KCNH8: variants seen among roughly 807,000 people sequenced by gnomAD.
The protein encoded by KCNH8 is potassium voltage-gated channel subfamily H member 8.
KCNH8 carries 70 observed loss-of-function variants against 103.6 expected under a neutral mutation model. That is an observed-to-expected ratio of 0.68 (90% confidence interval 0.56 to 0.82). KCNH8 has a LOEUF of 0.82. KCNH8 is among the 40% of genes least tolerant of loss of function. KCNH8 has a pLI of 0.00. For missense variants in KCNH8, 1,217 were observed against 1,329.9 expected, an observed-to-expected ratio of 0.92 and a Z score of 1.32; for synonymous variants, 498 against 489.4, an observed-to-expected ratio of 1.02 and a Z score of -0.23.
chr3:19,329,838 A>T (rs1429181445), intron 3 of KCNH8, among the ~76,000 whole-genome samples: 1 of 152,092 alleles, frequency 6.6e-6, no homozygotes, highest in Non-Finnish European at 1.5e-5. Flanking sequence ...TATGGAATAC[A>T]CAAGTGGCTC....
chr3:19,230,459 G>T (rs1559433020), intron 1 of KCNH8, among the ~76,000 whole-genome samples: 1 of 152,056 alleles, frequency 6.6e-6, no homozygotes, highest in Non-Finnish European at 1.5e-5. Flanking sequence ...ATCTTACTCA[G>T]AACCAGATAG....
intron 12 of KCNH8, 62 bp downstream of exon 12, chr3:19,510,463 G>T: frequency 9.8e-7 from 1 of 1,015,756 alleles, no homozygotes; most frequent in Non-Finnish European, 1.6e-6. Flanking sequence ...CAATAAATCT[G>T]TCTTGTCTTT....
chr3:19,379,154 G>C (rs553316377), intron 5 of KCNH8, among the ~76,000 whole-genome samples: 36 of 152,312 alleles, frequency 2.4e-4, no homozygotes, highest in Admixed American at 1.6e-3. Context: ...TTTCGTAACA[G>C]ATTGAAAATC....
At chr3:19,505,003 C>A (rs1049239655) in intron 11 of KCNH8, among the ~76,000 whole-genome samples, 1 of 150,646 alleles carries the variant, frequency 6.6e-6, no homozygotes, top group African/African-American at 2.4e-5. Flanking sequence ...ATATCTCTCT[C>A]ACATTCATAT....
At chr3:19,501,924 A>C (rs898479979) in intron 11 of KCNH8, among the ~76,000 whole-genome samples, 3 of 152,220 alleles carry the variant, frequency 2.0e-5, no homozygotes, top group East Asian at 3.8e-4. Flanking sequence ...AGTTCTGGCC[A>C]GGGCAATTAG....
chr3:19,352,720 A>G (rs571419659), intron 5 of KCNH8, among the ~76,000 whole-genome samples: 1 of 152,338 alleles, frequency 6.6e-6, no homozygotes, highest in South Asian at 2.1e-4. Context: ...AATCTCTGGG[A>G]CACATTTAAA....
chr3:19,442,321 G>A (rs1430316295), intron 8 of KCNH8, among the ~76,000 whole-genome samples: 2 of 152,088 alleles, frequency 1.3e-5, no homozygotes, highest in Non-Finnish European at 2.9e-5. Context: ...ACTTGCCCAT[G>A]TTTCTTCTAC....
intron 8 of KCNH8, 52 bp downstream of exon 8, chr3:19,438,413 T>A (rs756142633): frequency 2.4e-5 from 34 of 1,406,948 alleles, no homozygotes; most frequent in Non-Finnish European, 3.4e-5. Flanking sequence ...CCTACCTAAC[T>A]GTCACTGCCT....
At chr3:19,530,946 C>T (rs1247884345) in intron 15 of KCNH8, among the ~76,000 whole-genome samples, 1 of 152,188 alleles carries the variant, frequency 6.6e-6, no homozygotes, top group Non-Finnish European at 1.5e-5. Flanking sequence ...TAGTACATCC[C>T]TGCCTTTCTC....
Position 19,306,983 on chromosome 3 carries a change from A to G in KCNH8, c.442+25654A>G, listed in dbSNP as rs544267005. The stretch of plus-strand genomic sequence containing the variant: ...AGACCTCAAAGTATACTAAAAAGCT[A>G]TAGTAACCACAACAGCATGGTACTG... On this transcript the variant is annotated intron_variant, in intron 3 of 15. Coordinates refer to ENST00000328405, the MANE Select transcript of KCNH8 (RefSeq NM_144633.3). 1.2e-3 allele frequency among the ~76,000 whole-genome samples: 182 copies of G among 152,146 alleles called. 1 individual carries two copies. The highest frequency in any genetic ancestry group is 4.1e-3 in the African/African-American group (170 of 41,558).
intron 11 of KCNH8, among the ~76,000 whole-genome samples, chr3:19,492,841 G>T (rs2068353621): frequency 3.0e-5 from 2 of 67,370 alleles, no homozygotes; most frequent in African/African-American, 1.2e-4. Flanking sequence ...GTGTGTGTGT[G>T]TGTGTGTGTG....
intron 3 of KCNH8, among the ~76,000 whole-genome samples, chr3:19,308,831 C>T (rs1163689513): frequency 2.0e-5 from 3 of 146,552 alleles, no homozygotes; most frequent in Non-Finnish European, 3.0e-5. Flanking sequence ...TCTCTCCCCT[C>T]CTCCTTCTCC....
intron 15 of KCNH8, 41 bp downstream of exon 15, chr3:19,518,115 G>A (rs766430113): frequency 2.0e-6 from 3 of 1,488,512 alleles, no homozygotes; most frequent in South Asian, 2.3e-5. Flanking sequence ...ATGGTAAGAG[G>A]AGATATAAAT....
intron 4 of KCNH8, chr3:19,346,878 C>G (rs1575544435): frequency 2.9e-6 from 1 of 341,514 alleles, no homozygotes; most frequent in South Asian, 2.3e-5. Flanking sequence ...TGTCAAATTT[C>G]CACACATGCT....
intron 1 of KCNH8, among the ~76,000 whole-genome samples, chr3:19,150,650 G>A (rs1037616752): frequency 5.9e-5 from 9 of 152,214 alleles, no homozygotes; most frequent in South Asian, 2.1e-4. Context: ...AGGGAGAGAT[G>A]GATGTACTTG....
rs969212180 is a variant in KCNH8, at chr3:19,182,171, C to G, written c.76+33376C>G. Among the ~76,000 whole-genome samples, 4 of 152,164 alleles carry G rather than the reference C, an allele frequency of 2.6e-5. 1 individual carries two copies. Among genetic ancestry groups the G allele is most frequent in the Admixed American group, 2.0e-4 (3 of 15,276 alleles). ...CAAGAGATGGAATCTGCTTCGCTAT[C>G]CCTTGAATCTGGGCTCAGCTGTGTG... On this transcript the variant is annotated intron_variant, in intron 1 of 15. Transcript: ENST00000328405.
At chr3:19,373,318 C>T (rs1466505738) in intron 5 of KCNH8, among the ~76,000 whole-genome samples, 1 of 152,094 alleles carries the variant, frequency 6.6e-6, no homozygotes, top group Non-Finnish European at 1.5e-5. Flanking sequence ...AGAGATTCAG[C>T]TTCTTCCTGG....
chr3:19,267,709 G>A (rs984404155), intron 2 of KCNH8, among the ~76,000 whole-genome samples: 1 of 151,958 alleles, frequency 6.6e-6, no homozygotes, highest in East Asian at 1.9e-4. Context: ...TAAGAGAATC[G>A]GATAAAGAAA....
At chr3:19,495,799 A>T (rs2068427076) in intron 11 of KCNH8, among the ~76,000 whole-genome samples, 3 of 152,042 alleles carry the variant, frequency 2.0e-5, no homozygotes, top group South Asian at 4.1e-4. Flanking sequence ...CAGTGTGGCC[A>T]TTTTAATGAC....
Sources: allele counts gnomAD v4.1 joint callset (sites outside exome capture counted in the v4.1 genomes callset), GRCh38; gene constraint gnomAD v4.1.1; transcripts MANE v1.5; gene names NCBI Gene and HGNC (gene_info 2026-07-23, HGNC 2026-07-21).